Variants in KLHL26 observed in about 807,000 individuals in gnomAD.
KLHL26 encodes kelch like family member 26, also known as kelch-like protein 26.
In KLHL26, 4 loss-of-function variants were observed where a neutral mutation model predicts 7.1. The ratio of observed to expected loss-of-function variants is 0.56; its 90% CI spans 0.28 to 1.28. The LOEUF (loss-of-function observed/expected upper bound fraction) is 1.28. KLHL26 is among the 50% of genes most tolerant of loss of function. KLHL26 has a pLI of 0.11. For synonymous variants in KLHL26, 465 were observed against 414.1 expected, an observed-to-expected ratio of 1.12 and a Z score of -1.49; for missense variants, 896 against 924.6, an observed-to-expected ratio of 0.97 and a Z score of 0.40.
Position 18,648,326 on chromosome 19 carries a change from C to G in KLHL26, c.83+11189C>G, listed in dbSNP as rs1160327256. 2.0e-5 allele frequency among the ~76,000 whole-genome samples: 3 copies of G among 152,172 alleles called. No individual in the cohort carries two copies. The highest frequency in any genetic ancestry group is 7.2e-5 in the African/African-American group (3 of 41,444). On this transcript the variant is annotated intron_variant, in intron 1 of 2. Coordinates refer to ENST00000300976, the MANE Select transcript of KLHL26 (RefSeq NM_018316.3). This position sits in a 1 kb window ranked among gnomAD's most constrained non-coding sequence, Gnocchi z 4.9. ...CGAGATTGCACCACTGCACTCCAGC[C>G]TGGGCGACAAAGTGAGACTCTGTCT...
intron 1 of KLHL26, among the ~76,000 whole-genome samples, chr19:18,662,698 C>T (rs990023877): frequency 6.6e-6 from 1 of 152,148 alleles, no homozygotes; most frequent in African/African-American, 2.4e-5. Flanking sequence ...TGCTGGACCC[C>T]TGTGGGGGGC....
rs951927610 is a variant in KLHL26, at chr19:18,667,502, C to T, written c.267-162C>T. 2.8e-5 allele frequency: 36 copies of T among 1,281,594 alleles called. No homozygotes were observed. The African/African-American group carries it at 4.2e-4, about 15-fold the overall frequency. 79.4% of individuals were successfully genotyped at this position (1,281,594 alleles called of 1,614,324 possible). A position where few individuals can be genotyped will look rare whatever the true frequency, so the allele number is the denominator to read the frequency against. On this transcript the variant is annotated intron_variant, in intron 2 of 2. Transcript: ENST00000300976. The stretch of plus-strand genomic sequence containing the variant: ...TACAGGCATGAGCCACCGCGCCCGG[C>T]CCCTTTGCATGTTTTTAATGAGCAT...
rs1976806698 is a variant in KLHL26, at chr19:18,646,637, T to C, written c.83+9500T>C. The stretch of plus-strand genomic sequence containing the variant: ...TGGGGGGTGTCTGGGAGGAAACGAG[T>C]GGGGAGAGGTCACATGTACCTCATC... On this transcript the variant is annotated intron_variant, in intron 1 of 2. Coordinates refer to ENST00000300976, the MANE Select transcript of KLHL26 (RefSeq NM_018316.3). This position sits in a 1 kb window ranked among gnomAD's most constrained non-coding sequence, Gnocchi z 5.0. 6.6e-6 allele frequency among the ~76,000 whole-genome samples: 1 copy of C among 150,840 alleles called. No homozygotes were observed. Among genetic ancestry groups the C allele is most frequent in the Non-Finnish European group, 1.5e-5 (1 of 67,678 alleles).
intron 1 of KLHL26, among the ~76,000 whole-genome samples, chr19:18,642,383 T>TGTGTGTGTGTG (rs1320607738): frequency 4.4e-4 from 27 of 61,594 alleles, no homozygotes; most frequent in Middle Eastern, 7.7e-3. Flanking sequence ...GTGTGTGTGT[T>TGTGTGTGTGTG]TGAGATGGAG....
intron 1 of KLHL26, among the ~76,000 whole-genome samples, chr19:18,655,113 G>A (rs899567494): frequency 3.9e-5 from 6 of 152,020 alleles, no homozygotes; most frequent in East Asian, 1.9e-4. Flanking sequence ...CTGATGAGCC[G>A]TAGACCGAGG....
In KLHL26 at chr19:18,664,412, G is replaced by T. The variant is rs764344541; in HGVS notation, c.235G>T (p.Val79Phe). 2.5e-6 allele frequency: 4 copies of T among 1,597,514 alleles called. No homozygotes were observed. Among genetic ancestry groups the T allele is most frequent in the Middle Eastern group, 1.7e-4 (1 of 6,044 alleles). The change falls in exon 2 of 3, where the codon GTC becomes TTC. Residue 79 changes from valine (V) to phenylalanine (F), a missense_variant. By Grantham distance (50) the Val-to-Phe change is conservative. Transcript: ENST00000300976. ...INREAFPAHK[V>F]VLAACSDYFR... ...CAGAGAGGCCTTTCCTGCACACAAG[G>T]TCGTCCTGGCTGCCTGCAGCGACTA... is the stretch of plus-strand genomic sequence containing the variant.
intron 1 of KLHL26, among the ~76,000 whole-genome samples, chr19:18,651,492 G>A (rs1382488648): frequency 2.0e-5 from 3 of 152,266 alleles, no homozygotes; most frequent in Admixed American, 6.5e-5. Flanking sequence ...AGAACAGGGG[G>A]CCCTTATGAG....
rs747808177 is a variant in KLHL26, at chr19:18,664,276, C to T, written c.99C>T (p.Asn33=). The change falls in exon 2 of 3, where the codon AAC becomes AAT. Residue 33 remains asparagine, a synonymous_variant. Transcript: ENST00000300976. Reference sequence around the variant, plus strand: ...TTCCCCGCAGCACGGCCGACAAGAACGGGGCCCTCAAGTGCACCTTCTCGG... The same window carrying T: ...TTCCCCGCAGCACGGCCGACAAGAATGGGGCCCTCAAGTGCACCTTCTCGG... ...PERPNSTADK[N]GALKCTFSAP... is the part of the protein sequence containing the mutation. The T allele has an allele frequency of 1.0e-5, 16 of 1,602,134 alleles. No homozygotes were observed. In the East Asian group the frequency reaches 1.8e-4, roughly 18 times the overall value.
intron 2 of KLHL26, 98 bp downstream of exon 2, chr19:18,664,541 C>A: frequency 1.0e-6 from 1 of 979,788 alleles, no homozygotes; most frequent in Non-Finnish European, 1.5e-6. Context: ...TGTCTCAGCG[C>A]TACCCAGGGA....
At chr19:18,652,598 A>G (rs2052272597) in intron 1 of KLHL26, among the ~76,000 whole-genome samples, 1 of 151,334 alleles carries the variant, frequency 6.6e-6, no homozygotes, top group East Asian at 1.9e-4. Flanking sequence ...TCAAAAAAAA[A>G]AAAAAAAAAA....
At position 18,669,332 on chromosome 19, in the gene KLHL26, G is replaced by A; in HGVS notation, c.*87G>A. ...TGCACGTCTGCCTGAGAACCCCAGT[G>A]CCCCCCTTCGCCCGGGCTGCCCTTG... is the stretch of plus-strand genomic sequence containing the variant. On this transcript the variant is annotated 3_prime_UTR_variant, in exon 3 of 3. Transcript: ENST00000300976. 4 of 1,050,186 alleles carry A rather than the reference G, an allele frequency of 3.8e-6. No individual in the cohort carries two copies. Among genetic ancestry groups the A allele is most frequent in the Non-Finnish European group, 5.6e-6 (4 of 713,104 alleles). The allele number at this position is 1,050,186 out of a possible 1,614,324, so 65.1% of individuals were successfully genotyped here. A position where few individuals can be genotyped will look rare whatever the true frequency, so the allele number is the denominator to read the frequency against.
intron 2 of KLHL26, among the ~76,000 whole-genome samples, chr19:18,666,528 C>T (rs2052449592): frequency 6.6e-6 from 1 of 152,208 alleles, no homozygotes; most frequent in Non-Finnish European, 1.5e-5. Context: ...GACCTAGAAC[C>T]GTGTGCCTCC....
chr19:18,655,314 G>A (rs569559335), intron 1 of KLHL26, among the ~76,000 whole-genome samples: 3 of 152,168 alleles, frequency 2.0e-5, no homozygotes, highest in East Asian at 1.9e-4. Flanking sequence ...GAGCCTTGGC[G>A]AGCTGTCTCA....
chr19:18,668,592 A>C lies in KLHL26; in HGVS notation c.1195A>C (p.Met399Leu). The change falls in exon 3 of 3, where the codon ATG becomes CTG. Residue 399 changes from methionine to leucine, a missense_variant. By Grantham distance (15) the Met-to-Leu change is conservative. Coordinates refer to ENST00000300976, the MANE Select transcript of KLHL26 (RefSeq NM_018316.3). ...HLNRWLRLQA[M>L]QESRIQFQLN... ...GAATCGCTGGCTGCGCCTGCAGGCC[A>C]TGCAGGAAAGCCGCATCCAGTTCCA... 1 of 1,590,294 alleles carries C rather than the reference A, an allele frequency of 6.3e-7. No individual in the cohort carries two copies. Among genetic ancestry groups the C allele is most frequent in the Non-Finnish European group, 8.5e-7 (1 of 1,173,884 alleles).
At chr19:18,666,469 C>G (rs1361735910) in intron 2 of KLHL26, among the ~76,000 whole-genome samples, 2 of 152,188 alleles carry the variant, frequency 1.3e-5, no homozygotes, top group African/African-American at 2.4e-5. Context: ...AGCTGGGGTG[C>G]TCTCCCCTCT....
In KLHL26 at chr19:18,669,277, G is replaced by A. The variant is rs759114488; in HGVS notation, c.*32G>A. 32 of 1,540,392 alleles carry A rather than the reference G, an allele frequency of 2.1e-5. No homozygotes were observed. The highest frequency in any genetic ancestry group is 2.0e-4 in the South Asian group (18 of 87,978). On this transcript the variant is annotated 3_prime_UTR_variant, in exon 3 of 3. Transcript: ENST00000300976. Reference sequence around the variant, plus strand: ...AGACCCCCGGGACCCTGGCCTGACCGCATGTTGTCTCCAAGTGGGGCTTGG... The same window carrying A: ...AGACCCCCGGGACCCTGGCCTGACCACATGTTGTCTCCAAGTGGGGCTTGG...
In KLHL26 at chr19:18,668,910, G is replaced by T; in HGVS notation, c.1513G>T (p.Gly505Cys). 1 of 1,605,024 alleles carries T rather than the reference G, an allele frequency of 6.2e-7. No individual in the cohort carries two copies. Among genetic ancestry groups the T allele is most frequent in the Non-Finnish European group, 8.5e-7 (1 of 1,179,582 alleles). The change falls in exon 3 of 3, where the codon GGT becomes TGT. Residue 505 changes from glycine to cysteine, a missense_variant. Gly to Cys is a radical substitution (Grantham distance 159, BLOSUM62 -3). Transcript: ENST00000300976. ...SEPRVLHAMV[G>C]AGGRIYALGG... ...ACCCCGCGTGCTACACGCCATGGTGGGTGCCGGCGGCCGCATCTATGCCCT... is the reference window on the plus strand; with the variant it reads ...ACCCCGCGTGCTACACGCCATGGTGTGTGCCGGCGGCCGCATCTATGCCCT...
At chr19:18,663,910 G>A (rs1250313662) in intron 1 of KLHL26, among the ~76,000 whole-genome samples, 1 of 152,046 alleles carries the variant, frequency 6.6e-6, no homozygotes, top group Non-Finnish European at 1.5e-5. Context: ...TTTTTTTATT[G>A]AAGTGAAATT....
At position 18,650,982 on chromosome 19, in the gene KLHL26, C is replaced by T. The variant is rs967245776; in HGVS notation, c.84-13279C>T. ...GGCCACAGTGGTTTTTCCAGAGGCT[C>T]GTCTGGAATGCCGTGGCTGGATCTG... On this transcript the variant is annotated intron_variant, in intron 1 of 2. Coordinates refer to ENST00000300976, the MANE Select transcript of KLHL26 (RefSeq NM_018316.3). This position sits in a 1 kb window ranked among gnomAD's most constrained non-coding sequence, Gnocchi z 4.2. Among the ~76,000 whole-genome samples, 2 of 151,966 alleles carry T rather than the reference C, an allele frequency of 1.3e-5. No homozygotes were observed. The highest frequency in any genetic ancestry group is 2.9e-5 in the Non-Finnish European group (2 of 67,996).
Sources: gnomAD v4.1 joint callset for allele counts (sites outside exome capture counted in the v4.1 genomes callset) on GRCh38, gnomAD v4.1.1 for gene constraint, Gnocchi (gnomAD v3.1) non-coding constraint, MANE v1.5 for transcripts, NCBI Gene and HGNC (gene_info 2026-07-23, HGNC 2026-07-21) for gene names.